The following PCDH9 variants were observed in gnomAD, a reference collection of about 807,000 sequenced individuals.
PCDH9 encodes protocadherin-9.
PCDH9 carries 24 observed loss-of-function variants against 70.6 expected under a neutral mutation model. The ratio of observed to expected loss-of-function variants is 0.34; its 90% CI spans 0.25 to 0.48. The LOEUF (loss-of-function observed/expected upper bound fraction) is 0.48. PCDH9 is among the 20% of genes least tolerant of loss of function. The pLI is 0.99. For missense variants in PCDH9, 1,281 were observed against 1,503.6 expected (o/e 0.85, Z 2.45); for synonymous variants, 562 against 558.5 (o/e 1.01, Z -0.09).
intron 4 of PCDH9, among the ~76,000 whole-genome samples, chr13:66,476,611 A>G (rs1017871111): frequency 1.3e-5 from 2 of 152,046 alleles, no homozygotes; most frequent in African/African-American, 2.4e-5. Flanking sequence ...AAAGGTTTCA[A>G]TAATATCTCT....
At chr13:66,592,537 G>A (rs978550375) in intron 4 of PCDH9, among the ~76,000 whole-genome samples, 4 of 151,690 alleles carry the variant, frequency 2.6e-5, no homozygotes, top group South Asian at 2.1e-4. Context: ...AAACAATCGC[G>A]TTTACCTTTA....
At chr13:66,839,498 A>G (rs913922845) in intron 3 of PCDH9, among the ~76,000 whole-genome samples, 43 of 152,304 alleles carry the variant, frequency 2.8e-4, no homozygotes, top group African/African-American at 9.4e-4. Flanking sequence ...TACGCCTCTG[A>G]AACGTCTTCC....
chr13:66,494,375 C>T lies in PCDH9; in HGVS notation c.3340+136835G>A, dbSNP rs569335851. Among the ~76,000 whole-genome samples the T allele has an allele frequency of 9.2e-5, 14 of 152,208 alleles. 3 individuals are homozygous for T. Among genetic ancestry groups the T allele is most frequent in the African/African-American group, 3.1e-4 (13 of 41,556 alleles). On this transcript the variant is annotated intron_variant, in intron 4 of 4. Transcript: ENST00000377865. ...ATAGTAGGAATAGACAAGGTTTACA[C>T]GGACAACAAATCACCAAGCCTGACA...
chr13:67,214,752 T>C (rs1248099336), intron 2 of PCDH9: 2 of 151,330 alleles, frequency 1.3e-5, no homozygotes, highest in East Asian at 2.0e-4. Flanking sequence ...CAAAAGCAGA[T>C]GAACACAGGT....
At chr13:67,097,856 C>T (rs1473719073) in intron 2 of PCDH9, among the ~76,000 whole-genome samples, 1 of 152,044 alleles carries the variant, frequency 6.6e-6, no homozygotes, top group Non-Finnish European at 1.5e-5. Flanking sequence ...CTTCAGAGTG[C>T]CATATAAATA....
rs1931593 is a variant in PCDH9 at position 66,463,601 on chromosome 13, C to A, written c.3341-158573G>T. Reference sequence around the variant, plus strand: ...GTGGCCTGAGATACTGCGTTTTCACCAAGATCACAGGGAAATCTGAGGATG... The same window carrying A: ...GTGGCCTGAGATACTGCGTTTTCACAAAGATCACAGGGAAATCTGAGGATG... On this transcript the variant is annotated intron_variant, in intron 4 of 4. Transcript: ENST00000377865. Among the ~76,000 whole-genome samples the A allele has an allele frequency of 2.2e-3, 335 of 151,830 alleles. 1 individual carries two copies. Among genetic ancestry groups the A allele is most frequent in the African/African-American group, 7.7e-3 (319 of 41,472 alleles).
intron 3 of PCDH9, among the ~76,000 whole-genome samples, chr13:66,743,939 A>G (rs1223968374): frequency 6.6e-6 from 1 of 152,200 alleles, no homozygotes; most frequent in East Asian, 1.9e-4. Flanking sequence ...ACTGGGAAAA[A>G]TAGACATGTC....
intron 4 of PCDH9, among the ~76,000 whole-genome samples, chr13:66,396,361 C>A (rs1957101402): frequency 6.6e-6 from 1 of 152,196 alleles, no homozygotes; most frequent in Non-Finnish European, 1.5e-5. Context: ...TTGCCAAGGG[C>A]ATAGTAGCTT....
At chr13:67,018,819 C>T (rs937544842) in intron 2 of PCDH9, among the ~76,000 whole-genome samples, 1 of 152,116 alleles carries the variant, frequency 6.6e-6, no homozygotes, top group African/African-American at 2.4e-5. Flanking sequence ...CTGACGATTA[C>T]ATTTTCTTTC....
At chr13:66,485,009 TTA>T (rs1325328814) in intron 4 of PCDH9, among the ~76,000 whole-genome samples, 3 of 152,226 alleles carry the variant, frequency 2.0e-5, no homozygotes, top group African/African-American at 7.2e-5. Flanking sequence ...TTTTTGTTAT[TTA>T]TGTTTTCACA....
intron 3 of PCDH9, among the ~76,000 whole-genome samples, chr13:66,779,774 T>C (rs1010121956): frequency 6.8e-6 from 1 of 146,096 alleles, no homozygotes; most frequent in Admixed American, 6.9e-5. Flanking sequence ...TGAGCTGAGA[T>C]TGCGCCACTG....
intron 3 of PCDH9, among the ~76,000 whole-genome samples, chr13:66,869,629 T>TA (rs2081637666): frequency 6.6e-6 from 1 of 152,172 alleles, no homozygotes; most frequent in African/African-American, 2.4e-5. Flanking sequence ...TCTGAGGACT[T>TA]ATTCTGCGTG....
intron 2 of PCDH9, among the ~76,000 whole-genome samples, chr13:67,036,561 A>G (rs973640493): frequency 6.6e-6 from 1 of 152,206 alleles, no homozygotes; most frequent in Non-Finnish European, 1.5e-5. Flanking sequence ...TGAAATGAAC[A>G]GTAGTAGATA....
intron 3 of PCDH9, among the ~76,000 whole-genome samples, chr13:66,868,091 A>G (rs1195006198): frequency 6.6e-6 from 1 of 152,070 alleles, no homozygotes; most frequent in Non-Finnish European, 1.5e-5. Context: ...CATAATATAA[A>G]TGACGAAATG....
At chr13:67,054,953 C>T (rs1008565589) in intron 2 of PCDH9, among the ~76,000 whole-genome samples, 5 of 152,152 alleles carry the variant, frequency 3.3e-5, no homozygotes, top group Non-Finnish European at 5.9e-5. Flanking sequence ...AAGCACAGCT[C>T]TATTTGCTTA....
At chr13:67,222,935 G>A (rs2089764537) in intron 2 of PCDH9, 1 of 152,082 alleles carries the variant, frequency 6.6e-6, no homozygotes, top group Admixed American at 6.6e-5. Flanking sequence ...CCAAAAAAAT[G>A]TACATATTAC....
chr13:66,866,180 A>G (rs938949199), intron 3 of PCDH9, among the ~76,000 whole-genome samples: 12 of 152,186 alleles, frequency 7.9e-5, no homozygotes, highest in African/African-American at 2.9e-4. Flanking sequence ...GATGTTGGAG[A>G]CAAAAATGTA....
At chr13:66,910,413 T>C (rs921216516) in intron 2 of PCDH9, among the ~76,000 whole-genome samples, 1 of 152,202 alleles carries the variant, frequency 6.6e-6, no homozygotes, top group Non-Finnish European at 1.5e-5. Context: ...TTGTTGCAAG[T>C]GGGTCACTTG....
At chr13:66,912,966 C>T (rs1178251573) in intron 2 of PCDH9, among the ~76,000 whole-genome samples, 1 of 152,054 alleles carries the variant, frequency 6.6e-6, no homozygotes, top group East Asian at 1.9e-4. Context: ...CATAAACCTT[C>T]AACGTAATGT....
Sources: allele counts gnomAD v4.1 joint callset (sites outside exome capture counted in the v4.1 genomes callset), GRCh38; gene constraint gnomAD v4.1.1; transcripts MANE v1.5; gene names NCBI Gene and HGNC (gene_info 2026-07-23, HGNC 2026-07-21).